The following NEDD4 variants were observed in gnomAD, a reference collection of about 807,000 sequenced individuals.
NEDD4 encodes the protein NEDD4 E3 ubiquitin protein ligase, also known as E3 ubiquitin-protein ligase NEDD4.
Under a neutral mutation model 144.9 loss-of-function variants are expected in NEDD4, and 99 were observed. That is an observed-to-expected ratio of 0.68 (90% CI 0.58 to 0.81). The LOEUF is 0.81. NEDD4 is among the 30% of genes least tolerant of loss of function. The pLI, the probability that NEDD4 is intolerant of heterozygous loss-of-function variation, is 0.00. For synonymous variants in NEDD4, 318 were observed against 350.6 expected (o/e 0.91, Z 1.04); for missense variants, 985 against 1,065.9 (o/e 0.92, Z 1.06).
intron 5 of NEDD4, among the ~76,000 whole-genome samples, chr15:55,919,361 C>A (rs2036527396): frequency 6.6e-6 from 1 of 152,036 alleles, no homozygotes; most frequent in African/African-American, 2.4e-5. Flanking sequence ...TGCAGGTGGA[C>A]AAGAAAGAAT....
intron 5 of NEDD4, among the ~76,000 whole-genome samples, chr15:55,904,922 G>A (rs1279460699): frequency 1.3e-5 from 2 of 151,636 alleles, no homozygotes; most frequent in African/African-American, 4.8e-5. Context: ...GAGAAACCCC[G>A]TCTCTACTAA....
intron 5 of NEDD4, among the ~76,000 whole-genome samples, chr15:55,922,189 TTAAA>T (rs1418736484): frequency 6.6e-6 from 1 of 152,146 alleles, no homozygotes; most frequent in African/African-American, 2.4e-5. Context: ...ATTAAGGAGG[TTAAA>T]TACATAAATT....
intron 1 of NEDD4, among the ~76,000 whole-genome samples, chr15:55,969,667 GA>G (rs1266727161): frequency 6.6e-6 from 1 of 151,998 alleles, no homozygotes; most frequent in African/African-American, 2.4e-5. Context: ...GGCCAGAGGG[GA>G]ACCTGCCACC....
rs56285555 is a variant in NEDD4 at position 55,974,891 on chromosome 15, C to CTTTTTTTTTTTTTTTTTT, written c.46-8363_46-8346dup. Among the ~76,000 whole-genome samples, 337 of 75,680 alleles carry CTTTTTTTTTTTTTTTTTT rather than the reference C, an allele frequency of 4.5e-3. 32 individuals are homozygous for CTTTTTTTTTTTTTTTTTT. Among genetic ancestry groups the CTTTTTTTTTTTTTTTTTT allele is most frequent in the Middle Eastern group, 9.8e-3 (1 of 102 alleles). The allele number at this position is 75,680 out of a possible 152,430, so 49.6% of individuals were successfully genotyped here. On this transcript the variant is annotated intron_variant, in intron 1 of 28. Coordinates refer to ENST00000435532, the MANE Select transcript of NEDD4 (RefSeq NM_006154.4). ...TAAGGATGTCCATTTCTTTTCCTTT[C>CTTTTTTTTTTTTTTTTTT]TTTTTTTTTTTTTTTTTTTTTGAGA...
Position 55,928,813 on chromosome 15 carries a change from T to A in NEDD4, c.238-4114A>T, listed in dbSNP as rs75760756. On this transcript the variant is annotated intron_variant, in intron 4 of 28. Transcript: ENST00000435532. ...TATGTGTGATATCTCCCTACTGAGTTATAAACATCACAAATGACTTATTCA... is the reference window on the plus strand; with the variant it reads ...TATGTGTGATATCTCCCTACTGAGTAATAAACATCACAAATGACTTATTCA... Among the ~76,000 whole-genome samples the A allele has an allele frequency of 9.0e-3, 1,377 of 152,352 alleles. 10 individuals are homozygous for A. Among genetic ancestry groups the A allele is most frequent in the African/African-American group, 0.029 (1,208 of 41,578 alleles).
At chr15:55,905,315 C>T in intron 5 of NEDD4, 1 of 455,222 alleles carries the variant, frequency 2.2e-6, no homozygotes, top group Non-Finnish European at 4.4e-6. Flanking sequence ...TTAGAAGTTT[C>T]TTCTCTGGAG....
intron 1 of NEDD4, among the ~76,000 whole-genome samples, chr15:55,967,736 T>C (rs1473326313): frequency 6.6e-6 from 1 of 152,062 alleles, no homozygotes; most frequent in Middle Eastern, 3.2e-3. Context: ...CATTATAAAA[T>C]ATTGCCAGTT....
At chr15:55,986,759 T>TC (rs1166294105) in intron 1 of NEDD4, among the ~76,000 whole-genome samples, 2 of 150,410 alleles carry the variant, frequency 1.3e-5, no homozygotes, top group African/African-American at 2.4e-5. Context: ...CCGGCTAATT[T>TC]TTTTTTTTTG....
intron 27 of NEDD4, among the ~76,000 whole-genome samples, chr15:55,831,686 G>T (rs1023463847): frequency 6.6e-6 from 1 of 152,156 alleles, no homozygotes; most frequent in African/African-American, 2.4e-5. Context: ...TATTAATGAG[G>T]CTTGGCAAGC....
chr15:55,891,214 TA>T (rs1181039209), intron 5 of NEDD4, among the ~76,000 whole-genome samples: 1 of 152,160 alleles, frequency 6.6e-6, no homozygotes, highest in Non-Finnish European at 1.5e-5. Context: ...CACTTCTACA[TA>T]AAATGAAATG....
At chr15:55,917,071 A>G (rs1031304269) in intron 5 of NEDD4, 19 of 1,247,956 alleles carry the variant, frequency 1.5e-5, no homozygotes, top group Non-Finnish European at 1.9e-5. Flanking sequence ...TTGTAGTCAA[A>G]ATGCCTTCAC....
chr15:55,881,693 T>C (rs569617115), intron 5 of NEDD4, among the ~76,000 whole-genome samples: 11 of 152,318 alleles, frequency 7.2e-5, no homozygotes, highest in Middle Eastern at 3.4e-3. Context: ...AGCCTTGTCC[T>C]GAGTAAACAG....
chr15:55,919,809 A>G (rs114566232), intron 5 of NEDD4, among the ~76,000 whole-genome samples: 2,730 of 152,302 alleles, frequency 0.018, 62 homozygotes, highest in African/African-American at 0.063. Context: ...TCTACATGGT[A>G]TGGATAGGCT....
At chr15:55,976,855 G>A (rs548797843) in intron 1 of NEDD4, among the ~76,000 whole-genome samples, 36 of 152,020 alleles carry the variant, frequency 2.4e-4, no homozygotes, top group South Asian at 6.3e-4. Context: ...GGATGGTCTC[G>A]ATCTCCTGAC....
At chr15:55,978,869 T>A (rs1185157174) in intron 1 of NEDD4, among the ~76,000 whole-genome samples, 1 of 150,088 alleles carries the variant, frequency 6.7e-6, no homozygotes, top group Non-Finnish European at 1.5e-5. Flanking sequence ...GCTGAGATTT[T>A]CTCCACAATT....
At chr15:55,908,871 CAT>C (rs2142184074) in intron 5 of NEDD4, among the ~76,000 whole-genome samples, 1 of 152,004 alleles carries the variant, frequency 6.6e-6, no homozygotes, top group Non-Finnish European at 1.5e-5. Context: ...GAGACCTCAT[CAT>C]AAAAAAACAA....
At chr15:55,936,819 T>A (rs1157429318) in intron 4 of NEDD4, among the ~76,000 whole-genome samples, 3 of 150,246 alleles carry the variant, frequency 2.0e-5, no homozygotes, top group Admixed American at 6.7e-5. Flanking sequence ...TGAGACAGAG[T>A]TTCACTCTTG....
chr15:55,846,461 A>T, intron 18 of NEDD4, among the ~76,000 whole-genome samples: 1 of 152,212 alleles, frequency 6.6e-6, no homozygotes, highest in Non-Finnish European at 1.5e-5. Flanking sequence ...TAGTGAACAT[A>T]ACTGATAAGC....
intron 4 of NEDD4, among the ~76,000 whole-genome samples, chr15:55,950,477 T>C (rs1373978757): frequency 5.3e-5 from 8 of 152,214 alleles, no homozygotes; most frequent in Admixed American, 5.2e-4. Context: ...AAATCAAGTA[T>C]GGTACCACAG....
Sources: allele counts gnomAD v4.1 joint callset (sites outside exome capture counted in the v4.1 genomes callset), GRCh38; gene constraint gnomAD v4.1.1; transcripts MANE v1.5; gene names NCBI Gene and HGNC (gene_info 2026-07-23, HGNC 2026-07-21).